The following ADGRG6 variants were observed in gnomAD, a reference collection of about 807,000 sequenced individuals.
ADGRG6 encodes the protein G-protein coupled receptor 126.
In ADGRG6, 84 loss-of-function variants were observed where a neutral mutation model predicts 142.4. That is an observed-to-expected ratio of 0.59 (90% CI 0.49 to 0.71). The LOEUF is 0.71. Ranked by LOEUF, ADGRG6 falls within the 30% of genes least tolerant of loss-of-function variation. ADGRG6 has a pLI of 0.00. For missense variants in ADGRG6, 1,367 were observed against 1,466.6 expected (o/e 0.93, Z 1.11); for synonymous variants, 521 against 520.5 (o/e 1.00, Z -0.01).
chr6:142,390,304 T>A lies in ADGRG6; in HGVS notation c.1269T>A (p.Arg423=). The change falls in exon 7 of 25, where the codon CGT becomes CGA. Residue 423 remains arginine (R), a synonymous_variant. Coordinates refer to ENST00000367609, the MANE Select transcript of ADGRG6 (RefSeq NM_198569.3). ...RISVVIQNIL[R]HPEVKVQSKV... is the part of the protein sequence containing the mutation. Reference sequence around the variant, plus strand: ...CCGTAGTGATTCAGAACATCCTTCGTCACCCTGAGGTAAAAGTACAGAGCA... The same window carrying A: ...CCGTAGTGATTCAGAACATCCTTCGACACCCTGAGGTAAAAGTACAGAGCA... 2 of 1,602,526 alleles carry A rather than the reference T, an allele frequency of 1.2e-6. No individual in the cohort carries two copies. The highest frequency in any genetic ancestry group is 1.7e-6 in the Non-Finnish European group (2 of 1,171,658).
At chr6:142,347,950 A>G (rs1779987676) in intron 2 of ADGRG6, among the ~76,000 whole-genome samples, 1 of 152,166 alleles carries the variant, frequency 6.6e-6, no homozygotes, top group African/African-American at 2.4e-5. Context: ...TTTCTGGCCA[A>G]CAGATTTAAA....
intron 2 of ADGRG6, among the ~76,000 whole-genome samples, chr6:142,333,889 A>C (rs1779186092): frequency 6.6e-6 from 1 of 152,196 alleles, no homozygotes; most frequent in African/African-American, 2.4e-5. Flanking sequence ...GCAGGGAAGG[A>C]CTTTAATTCC....
intron 1 of ADGRG6, among the ~76,000 whole-genome samples, chr6:142,307,827 T>G (rs1777578038): frequency 6.6e-6 from 1 of 152,064 alleles, no homozygotes; most frequent in Admixed American, 6.6e-5. Flanking sequence ...AATCTTAACC[T>G]TTTCCTGGTT....
chr6:142,327,700 A>C (rs1420306144), intron 2 of ADGRG6, among the ~76,000 whole-genome samples: 1 of 152,076 alleles, frequency 6.6e-6, no homozygotes, highest in Non-Finnish European at 1.5e-5. Context: ...GCTCTTTATC[A>C]GTTTTTTCAC....
chr6:142,343,671 A>T (rs1245132553), intron 2 of ADGRG6, among the ~76,000 whole-genome samples: 1 of 151,960 alleles, frequency 6.6e-6, no homozygotes, highest in Non-Finnish European at 1.5e-5. Context: ...AAAAAAGAGC[A>T]AGAGTCAAAT....
At chr6:142,396,713 A>T (rs1188736825) in intron 9 of ADGRG6, among the ~76,000 whole-genome samples, 3 of 152,164 alleles carry the variant, frequency 2.0e-5, no homozygotes, top group Non-Finnish European at 4.4e-5. Flanking sequence ...CTGAATATGA[A>T]GAAGAAACAA....
chr6:142,317,610 T>C (rs1339778145), intron 2 of ADGRG6, among the ~76,000 whole-genome samples: 1 of 146,000 alleles, frequency 6.8e-6, no homozygotes, highest in Non-Finnish European at 1.5e-5. Context: ...GGCTATGTCA[T>C]TGTAATATTA....
intron 1 of ADGRG6, among the ~76,000 whole-genome samples, chr6:142,305,412 C>A (rs564085830): frequency 1.3e-4 from 19 of 147,658 alleles, no homozygotes; most frequent in South Asian, 6.5e-4. Flanking sequence ...CCTGCCCCCC[C>A]CCACGAGCCC....
intron 4 of ADGRG6, among the ~76,000 whole-genome samples, chr6:142,380,697 T>C (rs978753134): frequency 1.3e-5 from 2 of 152,166 alleles, no homozygotes; most frequent in African/African-American, 4.8e-5. Context: ...TGGGCCTTCT[T>C]CTTTGAAATG....
intron 3 of ADGRG6, among the ~76,000 whole-genome samples, chr6:142,368,744 T>C (rs1180352419): frequency 6.6e-6 from 1 of 152,156 alleles, no homozygotes; most frequent in Non-Finnish European, 1.5e-5. Context: ...GTGTTTACCA[T>C]GGTTAAAACA....
chr6:142,355,360 C>A (rs1583027810), intron 2 of ADGRG6, among the ~76,000 whole-genome samples: 1 of 151,862 alleles, frequency 6.6e-6, no homozygotes, highest in Non-Finnish European at 1.5e-5. Flanking sequence ...AATAATATAC[C>A]TATTATTATT....
Position 142,402,646 on chromosome 6 carries a change from A to T in ADGRG6, c.1771A>T (p.Ile591Phe), listed in dbSNP as rs773177183. The change falls in exon 13 of 25, where the codon ATT (isoleucine) becomes TTT (phenylalanine). Residue 591 changes from isoleucine to phenylalanine, a missense_variant. This residue lies in a region of ADGRG6 where 737 missense variants were observed against 746.5 expected (regional missense o/e 0.99). Transcript: ENST00000367609. ...AGAAGCAAATGAAGTTGCTAACCAGATTTTAAATTTAACTGCTGATGGGCA... is the reference window on the plus strand; with the variant it reads ...AGAAGCAAATGAAGTTGCTAACCAGTTTTTAAATTTAACTGCTGATGGGCA... Reference protein sequence around the residue: ...LKEANEVANQILNLTADGQNL... With the variant: ...LKEANEVANQFLNLTADGQNL... 2 of 1,601,436 alleles carry T rather than the reference A, an allele frequency of 1.2e-6. No individual in the cohort carries two copies. Among genetic ancestry groups the T allele is most frequent in the Admixed American group, 1.7e-5 (1 of 59,016 alleles).
chr6:142,439,055 A>G (rs1203372721), intron 24 of ADGRG6, among the ~76,000 whole-genome samples: 1 of 152,148 alleles, frequency 6.6e-6, no homozygotes, highest in Non-Finnish European at 1.5e-5. Context: ...GGAGGCTGAG[A>G]TGGTGGGATT....
intron 7 of ADGRG6, among the ~76,000 whole-genome samples, chr6:142,392,073 G>A (rs1252272366): frequency 2.0e-5 from 3 of 151,876 alleles, no homozygotes; most frequent in African/African-American, 7.2e-5. Flanking sequence ...AATATAAATA[G>A]TGTACCTGTT....
chr6:142,314,450 G>C (rs886446762), intron 2 of ADGRG6, among the ~76,000 whole-genome samples: 1 of 152,172 alleles, frequency 6.6e-6, no homozygotes, highest in African/African-American at 2.4e-5. Context: ...AGAATATTTA[G>C]ACGAGGCACA....
rs1238907320 is a variant in ADGRG6 at position 142,446,240 on chromosome 6, ATG to A, written c.*2727_*2728del. 1 of 152,624 alleles carries A rather than the reference ATG, an allele frequency of 6.6e-6. No homozygotes were observed. Among genetic ancestry groups the A allele is most frequent in the Non-Finnish European group, 1.5e-5 (1 of 68,018 alleles). The allele number at this position is 152,624 out of a possible 1,614,324, so 9.5% of individuals were successfully genotyped here. ...GAAAATGTTTTTCAAATAAATACTT[ATG>A]TTGTTCATGTTCCAAGTTATTCAAT... On this transcript the variant is annotated 3_prime_UTR_variant, in exon 25 of 25. Transcript: ENST00000367609.
intron 1 of ADGRG6, among the ~76,000 whole-genome samples, chr6:142,303,777 A>G (rs570539465): frequency 6.6e-6 from 1 of 152,352 alleles, no homozygotes; most frequent in African/African-American, 2.4e-5. Context: ...AAAAAAGCAT[A>G]TTACACATGA....
chr6:142,327,223 A>G (rs1366133807), intron 2 of ADGRG6, among the ~76,000 whole-genome samples: 2 of 152,026 alleles, frequency 1.3e-5, no homozygotes, highest in African/African-American at 4.8e-5. Flanking sequence ...AATGAACCAT[A>G]GATTTAACTT....
At chr6:142,329,746 T>C (rs1174773190) in intron 2 of ADGRG6, among the ~76,000 whole-genome samples, 1 of 152,196 alleles carries the variant, frequency 6.6e-6, no homozygotes, top group Non-Finnish European at 1.5e-5. Context: ...CATTTAAACA[T>C]TGGTGTACAA....
Sources: allele counts gnomAD v4.1 joint callset (sites outside exome capture counted in the v4.1 genomes callset), GRCh38; gene constraint gnomAD v4.1.1; regional missense constraint gnomAD v4.1.1; transcripts MANE v1.5; gene names NCBI Gene and HGNC (gene_info 2026-07-23, HGNC 2026-07-21).